TRABD: variants seen among roughly 807,000 people sequenced by gnomAD.
TRABD encodes the protein traB domain-containing protein.
Under a neutral mutation model 39.6 loss-of-function variants are expected in TRABD, and 23 were observed. That is an observed-to-expected ratio of 0.58 (90% confidence interval 0.42 to 0.82). The LOEUF (loss-of-function observed/expected upper bound fraction) is 0.82, where lower values mean the gene tolerates loss of function less well. TRABD is among the 40% of genes least tolerant of loss of function. The pLI is 0.00. For missense variants in TRABD, 487 were observed against 544.9 expected (o/e 0.89, Z 1.06); for synonymous variants, 243 against 232.1 (o/e 1.05, Z -0.43).
In TRABD at chr22:50,198,752, G is replaced by A; in HGVS notation, c.*233G>A. 3.6e-6 allele frequency: 2 copies of A among 561,578 alleles called. No individual in the cohort carries two copies. Among genetic ancestry groups the A allele is most frequent in the Non-Finnish European group, 6.2e-6 (2 of 320,754 alleles). 34.8% of individuals were successfully genotyped at this position (561,578 alleles called of 1,614,324 possible). On this transcript the variant is annotated 3_prime_UTR_variant, in exon 10 of 10. Transcript: ENST00000380909. This position sits in a 1 kb window ranked among gnomAD's most constrained non-coding sequence, Gnocchi z 7.9. ...CAGCCCCTCCCCTCCCACACTGCAG[G>A]GGCCGTTCCCCAGCTTCTGGACAAG...
rs767891893 is a variant in TRABD, at chr22:50,197,301, G to A, written c.481G>A (p.Glu161Lys). ...LLLKVSAHIT[E>K]QLGMAPGGEF... ...GCTGAAGGTGTCTGCACACATCACCGAGCAGCTGGGCATGGCCCCAGGTGG... is the reference window on the plus strand; with the variant it reads ...GCTGAAGGTGTCTGCACACATCACCAAGCAGCTGGGCATGGCCCCAGGTGG... Residue 161 changes from glutamate (E) to lysine (K), a missense_variant, in exon 6 of 10, where the codon GAG (glutamate) becomes AAG (lysine). This residue lies in a region of TRABD where 358 missense variants were observed against 414.7 expected (regional missense o/e 0.86). Coordinates refer to ENST00000380909, the MANE Select transcript of TRABD (RefSeq NM_001320485.2). 5.6e-6 allele frequency: 9 copies of A among 1,613,742 alleles called. No homozygotes were observed. The highest frequency in any genetic ancestry group is 4.5e-5 in the East Asian group (2 of 44,882).
chr22:50,190,738 TC>T (rs1319358184), intron 1 of TRABD: 1 of 152,364 alleles, frequency 6.6e-6, no homozygotes, highest in African/African-American at 2.4e-5. Context: ...GGCGGCCGTC[TC>T]CCGGACCGGG....
rs1208912383 is a variant in TRABD at position 50,198,750 on chromosome 22, A to G, written c.*231A>G. ...GGCAGCCCCTCCCCTCCCACACTGC[A>G]GGGGCCGTTCCCCAGCTTCTGGACA... On this transcript the variant is annotated 3_prime_UTR_variant, in exon 10 of 10. Coordinates refer to ENST00000380909, the MANE Select transcript of TRABD (RefSeq NM_001320485.2). This position sits in a 1 kb window ranked among gnomAD's most constrained non-coding sequence, Gnocchi z 7.9. 2.3e-5 allele frequency: 13 copies of G among 557,010 alleles called. No individual in the cohort carries two copies. Among genetic ancestry groups the G allele is most frequent in the Non-Finnish European group, 3.1e-6 (1 of 318,118 alleles). The allele number at this position is 557,010 out of a possible 1,614,324, so 34.5% of individuals were successfully genotyped here.
intron 5 of TRABD, 50 bp from the exon 6 acceptor site, chr22:50,197,191 G>GCGGGGGCCCCCCCCCCCC: frequency 6.4e-7 from 1 of 1,553,436 alleles, no homozygotes; most frequent in African/African-American, 1.4e-5. Flanking sequence ...TTCCCCCAGC[G>GCGGGGGCCCCCCCCCCCC]CACCCCCGCA....
chr22:50,187,239 G>A (rs2063782048), intron 1 of TRABD, among the ~76,000 whole-genome samples: 1 of 152,238 alleles, frequency 6.6e-6, no homozygotes, highest in Non-Finnish European at 1.5e-5. Context: ...CCAGGTCCTG[G>A]GAGGTTGGGG....
In TRABD at chr22:50,198,020, A is replaced by G. The variant is rs2064184134; in HGVS notation, c.844+25A>G. 1 of 1,610,160 alleles carries G rather than the reference A, an allele frequency of 6.2e-7. No homozygotes were observed. Among genetic ancestry groups the G allele is most frequent in the African/African-American group, 1.3e-5 (1 of 74,650 alleles). The stretch of plus-strand genomic sequence containing the variant: ...GGTGACGGCCGCCCGCAGGCGTGGG[A>G]CCCCCTGTGAGGCTGAGGCCCGAGC... On this transcript the variant is annotated intron_variant, in intron 8 of 9. Transcript: ENST00000380909. The surrounding 1 kb of genome is among the most constrained non-coding windows in gnomAD (Gnocchi z 7.9).
intron 5 of TRABD, among the ~76,000 whole-genome samples, chr22:50,196,528 G>A (rs1230292735): frequency 1.3e-5 from 2 of 152,180 alleles, no homozygotes; most frequent in Non-Finnish European, 1.5e-5. Context: ...GCCTCGGGCT[G>A]TAGCTGCTGA....
chr22:50,187,244 T>C (rs1020494649), intron 1 of TRABD, among the ~76,000 whole-genome samples: 2 of 151,662 alleles, frequency 1.3e-5, no homozygotes, highest in Non-Finnish European at 2.9e-5. Context: ...TCCTGGGAGG[T>C]TGGGGGCTGC....
At chr22:50,194,220 G>A (rs897002294) in intron 3 of TRABD, 120 bp from the exon 4 acceptor site, 3 of 1,287,778 alleles carry the variant, frequency 2.3e-6, no homozygotes, top group Non-Finnish European at 3.2e-6. Context: ...CAGGAGTCTT[G>A]TGCTCTGCAC....
chr22:50,197,500 G>A lies in TRABD; in HGVS notation c.583G>A (p.Val195Ile), dbSNP rs776065922. 29 of 1,613,638 alleles carry A rather than the reference G, an allele frequency of 1.8e-5. No individual in the cohort carries two copies. The highest frequency in any genetic ancestry group is 2.1e-5 in the Non-Finnish European group (25 of 1,180,010). Residue 195 changes from valine (V) to isoleucine (I), a missense_variant, in exon 7 of 10, where the codon GTC (valine) becomes ATC (isoleucine). Physicochemically the swap from Val to Ile is conservative, Grantham distance 29 (BLOSUM62 3). Transcript: ENST00000380909. ...KFHLGDRPIP[V>I]TFKRAIAALS... Reference sequence around the variant, plus strand: ...CCACCTGGGTGACCGACCCATCCCCGTCACCTTCAAGAGGGCCATCGCAGC... The same window carrying A: ...CCACCTGGGTGACCGACCCATCCCCATCACCTTCAAGAGGGCCATCGCAGC...
intron 1 of TRABD, among the ~76,000 whole-genome samples, chr22:50,188,837 C>CT (rs1461444545): frequency 1.3e-5 from 2 of 152,226 alleles, no homozygotes; most frequent in Non-Finnish European, 2.9e-5. Flanking sequence ...ACAGCCGTCT[C>CT]TGACGCCAAA....
At position 50,199,313 on chromosome 22, in the gene TRABD, CAGA is replaced by C. The variant is rs2064242615; in HGVS notation, c.*795_*797del. 1.6e-4 allele frequency: 90 copies of C among 568,826 alleles called. 2 individuals carry two copies. The South Asian group carries it at 1.8e-3, about 11-fold the overall frequency. The allele number at this position is 568,826 out of a possible 1,614,324, so 35.2% of individuals were successfully genotyped here. A position where few individuals can be genotyped will look rare whatever the true frequency, so the allele number is the denominator to read the frequency against. Reference sequence around the variant, plus strand: ...CTGGGGCATCTTGGCCCTCTCTGGGCAGACAATGTGTGCACCTATGTGGAAGGC... The same window carrying C: ...CTGGGGCATCTTGGCCCTCTCTGGGCCAATGTGTGCACCTATGTGGAAGGC... On this transcript the variant is annotated 3_prime_UTR_variant, in exon 10 of 10. Transcript: ENST00000380909.
intron 3 of TRABD, among the ~76,000 whole-genome samples, 163 bp downstream of exon 3, chr22:50,193,817 G>A (rs1386675679): frequency 6.6e-6 from 1 of 152,208 alleles, no homozygotes; most frequent in Non-Finnish European, 1.5e-5. Context: ...CCACCCAACA[G>A]CAGCTGCTCC....
chr22:50,193,091 G>A lies in TRABD; in HGVS notation c.31G>A (p.Glu11Lys), dbSNP rs1343686238. Residue 11 changes from glutamate to lysine, a missense_variant and splice_region_variant, in exon 2 of 10, where the codon GAG becomes AAG. Physicochemically the swap from Glu to Lys is moderately conservative, Grantham distance 56 (BLOSUM62 1). Transcript: ENST00000380909. MDGEEQQPPH[E>K]ANVEPVVPSE... ...CGGGGAGGAGCAGCAGCCACCGCAC[G>A]AGGTGAGGTGGAGGCTGGGCTGGCT... 1.0e-5 allele frequency: 16 copies of A among 1,545,114 alleles called. No homozygotes were observed. The highest frequency in any genetic ancestry group is 7.8e-5 in the Admixed American group (4 of 50,964).
chr22:50,194,562 C>G (rs1602451132), intron 4 of TRABD, 56 bp downstream of exon 4: 1 of 1,550,162 alleles, frequency 6.5e-7, no homozygotes, highest in African/African-American at 1.4e-5. Flanking sequence ...CTCCTGTGTC[C>G]TGCACTCAGG....
rs747291231 is a variant in TRABD at position 50,193,040 on chromosome 22, G to T, written c.-21G>T. 5 of 1,544,430 alleles carry T rather than the reference G, an allele frequency of 3.2e-6. No homozygotes were observed. Among genetic ancestry groups the T allele is most frequent in the African/African-American group, 1.4e-5 (1 of 73,086 alleles). ...GCCTCTCCTCAGGCTCCCCACAGGT[G>T]CAGGAAGCCGCCGCCCAGCCATGGA... On this transcript the variant is annotated 5_prime_UTR_variant, in exon 2 of 10. Coordinates refer to ENST00000380909, the MANE Select transcript of TRABD (RefSeq NM_001320485.2).
intron 5 of TRABD, chr22:50,196,866 T>A (rs924642560): frequency 5.7e-6 from 1 of 174,682 alleles, no homozygotes. Flanking sequence ...GGCTAATTTT[T>A]ATATTTTTAG....
chr22:50,194,307 C>A (rs1357461850), intron 3 of TRABD, 33 bp from the exon 4 acceptor site: 2 of 1,600,706 alleles, frequency 1.2e-6, no homozygotes, highest in Non-Finnish European at 1.7e-6. Context: ...TGGGGTGGGC[C>A]CGGCACCACA....
At position 50,193,602 on chromosome 22, in the gene TRABD, A is replaced by G; in HGVS notation, c.60A>G (p.Ser20=). The change falls in exon 3 of 10, where the codon TCA becomes TCG. Residue 20 remains serine, a synonymous_variant. Coordinates refer to ENST00000380909, the MANE Select transcript of TRABD (RefSeq NM_001320485.2). ...HEANVEPVVP[S]EASEPVPRVL... ...CCAACGTGGAACCTGTTGTGCCGTC[A>G]GAGGCTTCAGAGCCGGTGCCCAGGG... 6.2e-7 allele frequency: 1 copy of G among 1,613,826 alleles called. No individual in the cohort carries two copies. Among genetic ancestry groups the G allele is most frequent in the Non-Finnish European group, 8.5e-7 (1 of 1,179,972 alleles).
Sources: gnomAD v4.1 joint callset for allele counts (sites outside exome capture counted in the v4.1 genomes callset) on GRCh38, gnomAD v4.1.1 for gene constraint, gnomAD v4.1.1 regional missense constraint, Gnocchi (gnomAD v3.1) non-coding constraint, MANE v1.5 for transcripts, NCBI Gene and HGNC (gene_info 2026-07-23, HGNC 2026-07-21) for gene names.